Variants in PPP1R16B observed in about 807,000 individuals in gnomAD.
PPP1R16B encodes protein phosphatase 1 regulatory inhibitor subunit 16B.
In PPP1R16B, 14 loss-of-function variants were observed where a neutral mutation model predicts 61.7. The observed-to-expected ratio is 0.23, with a 90% CI of 0.15 to 0.35. PPP1R16B has a LOEUF of 0.35. PPP1R16B is among the 10% of genes least tolerant of loss of function. The probability of loss-of-function intolerance (pLI) is 1.00; values close to 1 mark genes in which losing one functional copy is unlikely to be tolerated. For missense variants in PPP1R16B, 547 were observed against 752.5 expected (o/e 0.73, Z 3.19); for synonymous variants, 266 against 305.3 (o/e 0.87, Z 1.34).
intron 2 of PPP1R16B, among the ~76,000 whole-genome samples, chr20:38,850,131 A>G (rs2084959081): frequency 1.3e-5 from 2 of 152,216 alleles, no homozygotes; most frequent in Non-Finnish European, 2.9e-5. Context: ...TCCTTTTGGC[A>G]ACCTCAGTAA....
At chr20:38,839,623 G>A (rs1276819488) in intron 2 of PPP1R16B, among the ~76,000 whole-genome samples, 2 of 151,814 alleles carry the variant, frequency 1.3e-5, no homozygotes, top group African/African-American at 4.8e-5. Context: ...TATAGAGCCA[G>A]GTTTCTTTTT....
rs376212752 is a variant in PPP1R16B, at chr20:38,899,998, C to T, written c.468-583C>T. The stretch of plus-strand genomic sequence containing the variant: ...TTTAGTAGAGACAGGGTTTCTATGT[C>T]GGCTAGGCTGGTCTCGAACTCCTGA... On this transcript the variant is annotated intron_variant, in intron 4 of 10. Coordinates refer to ENST00000299824, the MANE Select transcript of PPP1R16B (RefSeq NM_015568.4). 2.0e-4 allele frequency among the ~76,000 whole-genome samples: 31 copies of T among 152,096 alleles called. No individual in the cohort carries two copies. In the East Asian group the frequency reaches 4.5e-3, roughly 22 times the overall value.
At chr20:38,895,856 T>C (rs1451955851) in intron 4 of PPP1R16B, 146 bp downstream of exon 4, 4 of 724,518 alleles carry the variant, frequency 5.5e-6, no homozygotes, top group Non-Finnish European at 8.2e-6. Context: ...TCCTTCCTTC[T>C]TTCTTCCCTC....
chr20:38,838,302 GCA>G (rs1160744180), intron 2 of PPP1R16B: 2 of 152,386 alleles, frequency 1.3e-5, no homozygotes, highest in African/African-American at 4.8e-5. Flanking sequence ...CTGGGTCCCT[GCA>G]CACACCTTCC....
chr20:38,840,374 C>A (rs765721475), intron 2 of PPP1R16B, among the ~76,000 whole-genome samples: 36 of 150,706 alleles, frequency 2.4e-4, no homozygotes, highest in Admixed American at 3.3e-4. Context: ...TAGGAACTCA[C>A]TGAGTTTCAT....
intron 2 of PPP1R16B, among the ~76,000 whole-genome samples, chr20:38,868,272 C>A (rs965417395): frequency 2.0e-5 from 3 of 152,168 alleles, no homozygotes; most frequent in African/African-American, 4.8e-5. Flanking sequence ...CCATGGCCCA[C>A]CCCTGTGAGC....
intron 2 of PPP1R16B, among the ~76,000 whole-genome samples, chr20:38,888,905 A>G (rs1408195546): frequency 6.6e-6 from 1 of 151,104 alleles, no homozygotes; most frequent in Admixed American, 6.6e-5. Context: ...ACACACACAC[A>G]CACACACACA....
intron 2 of PPP1R16B, among the ~76,000 whole-genome samples, chr20:38,870,200 AG>A (rs2085119241): frequency 6.6e-6 from 1 of 152,110 alleles, no homozygotes; most frequent in Non-Finnish European, 1.5e-5. Flanking sequence ...GGCCTCCCAA[AG>A]TGCTGGGATT....
Position 38,806,513 on chromosome 20 carries a change from C to T in PPP1R16B, c.-102+721C>T, listed in dbSNP as rs2084662719. Among the ~76,000 whole-genome samples the T allele has an allele frequency of 6.6e-6, 1 of 152,060 alleles. No homozygotes were observed. The highest frequency in any genetic ancestry group is 2.4e-5 in the African/African-American group (1 of 41,420). ...TCCCCTCTGGGCGACTCCGGCTCAT[C>T]GATTCCGGCCCAGAGGAGCGCCCCC... On this transcript the variant is annotated intron_variant, in intron 1 of 10. Transcript: ENST00000299824. This position sits in a 1 kb window ranked among gnomAD's most constrained non-coding sequence, Gnocchi z 4.5.
intron 2 of PPP1R16B, among the ~76,000 whole-genome samples, chr20:38,888,854 C>T (rs1373733683): frequency 7.1e-6 from 1 of 141,176 alleles, no homozygotes; most frequent in African/African-American, 2.6e-5. Context: ...ACTCTGGCCT[C>T]CCTGCCCACC....
At chr20:38,808,335 G>A (rs1346892596) in intron 1 of PPP1R16B, among the ~76,000 whole-genome samples, 1 of 152,116 alleles carries the variant, frequency 6.6e-6, no homozygotes, top group Non-Finnish European at 1.5e-5. Context: ...GCTGTGCTTG[G>A]ACTCTTGGGA....
Position 38,918,994 on chromosome 20 carries a change from T to A in PPP1R16B, c.*328T>A, listed in dbSNP as rs2085568193. On this transcript the variant is annotated 3_prime_UTR_variant, in exon 11 of 11. Transcript: ENST00000299824. The surrounding 1 kb of genome is among the most constrained non-coding windows in gnomAD (Gnocchi z 5.3). ...GCTTCTCCGGATCAGTACATGCATG[T>A]CACATTAACACACACACACACACAC... 3 of 256,568 alleles carry A rather than the reference T, an allele frequency of 1.2e-5. No homozygotes were observed. The South Asian group carries it at 3.3e-4, about 28-fold the overall frequency. 15.9% of individuals were successfully genotyped at this position (256,568 alleles called of 1,614,324 possible). A position where few individuals can be genotyped will look rare whatever the true frequency, so the allele number is the denominator to read the frequency against.
intron 2 of PPP1R16B, among the ~76,000 whole-genome samples, chr20:38,879,220 T>A (rs1010937800): frequency 1.3e-5 from 2 of 152,132 alleles, no homozygotes; most frequent in African/African-American, 4.8e-5. Flanking sequence ...ACCCTTGCCT[T>A]CAGTCTCTGA....
chr20:38,908,236 GGGA>G, intron 10 of PPP1R16B, 43 bp downstream of exon 10: 1 of 1,610,012 alleles, frequency 6.2e-7, no homozygotes, highest in African/African-American at 1.3e-5. Context: ...CCACTGCAAT[GGGA>G]GGAGAACAGG....
chr20:38,894,322 G>A (rs1431199369), intron 3 of PPP1R16B, among the ~76,000 whole-genome samples: 1 of 152,052 alleles, frequency 6.6e-6, no homozygotes, highest in Non-Finnish European at 1.5e-5. Flanking sequence ...TTCCACGGCC[G>A]CTCCTGCTCC....
chr20:38,808,498 G>A (rs2084676629), intron 1 of PPP1R16B, among the ~76,000 whole-genome samples: 1 of 152,162 alleles, frequency 6.6e-6, no homozygotes, highest in African/African-American at 2.4e-5. Context: ...GTGCATCTTA[G>A]CAATTGGGCT....
Position 38,922,110 on chromosome 20 carries a change from T to C in PPP1R16B, c.*3444T>C, listed in dbSNP as rs1342863609. The stretch of plus-strand genomic sequence containing the variant: ...TGGCAAGTAGCTTGGGGAAGCTGAA[T>C]AAACTCTAGGCCCAGGGCTACTAAA... On this transcript the variant is annotated 3_prime_UTR_variant, in exon 11 of 11. Coordinates refer to ENST00000299824, the MANE Select transcript of PPP1R16B (RefSeq NM_015568.4). The C allele has an allele frequency of 6.6e-6, 1 of 152,236 alleles. No homozygotes were observed. The highest frequency in any genetic ancestry group is 1.5e-5 in the Non-Finnish European group (1 of 68,058). 9.4% of individuals were successfully genotyped at this position (152,236 alleles called of 1,614,324 possible).
At chr20:38,863,616 C>T (rs2085069952) in intron 2 of PPP1R16B, among the ~76,000 whole-genome samples, 1 of 152,150 alleles carries the variant, frequency 6.6e-6, no homozygotes, top group South Asian at 2.1e-4. Flanking sequence ...CTATCTGCAC[C>T]CCAGGTTTTT....
intron 10 of PPP1R16B, among the ~76,000 whole-genome samples, chr20:38,915,682 G>T (rs1411202814): frequency 6.6e-6 from 1 of 152,036 alleles, no homozygotes; most frequent in Non-Finnish European, 1.5e-5. Context: ...TAGACACAAG[G>T]TTTCACCATG....
Sources: allele counts gnomAD v4.1 joint callset (sites outside exome capture counted in the v4.1 genomes callset), GRCh38; gene constraint gnomAD v4.1.1; non-coding constraint Gnocchi (gnomAD v3.1); transcripts MANE v1.5; gene names NCBI Gene and HGNC (gene_info 2026-07-23, HGNC 2026-07-21).